BLTP3B: variants seen among roughly 807,000 people sequenced by gnomAD.
BLTP3B encodes the protein UHRF1 (ICBP90) binding protein 1-like.
At chr12:100,142,162 T>C in the BLTP3B span, among the ~76,000 whole-genome samples, 1 of 151,912 alleles carries the variant, frequency 6.6e-6, no homozygotes, top group African/African-American at 2.4e-5. Context: ...CCAGAAGCCC[T>C]CGGTTAACGG....
chr12:100,075,870 G>GC, the BLTP3B span, among the ~76,000 whole-genome samples: 1 of 152,054 alleles, frequency 6.6e-6, no homozygotes, highest in Non-Finnish European at 1.5e-5. Context: ...CTGCAGTACT[G>GC]CATGTTCTGA....
the BLTP3B span, among the ~76,000 whole-genome samples, chr12:100,049,729 T>C: frequency 6.6e-6 from 1 of 152,190 alleles, no homozygotes; most frequent in African/African-American, 2.4e-5. Flanking sequence ...TAATGGTTAG[T>C]GTTCTTTCCC....
chr12:100,053,777 G>A, the BLTP3B span, among the ~76,000 whole-genome samples: 2 of 152,018 alleles, frequency 1.3e-5, no homozygotes, highest in Non-Finnish European at 2.9e-5. Flanking sequence ...TTACTCTAGG[G>A]ATTTCCATAT....
chr12:100,047,613 A>G, the BLTP3B span: 2 of 1,612,374 alleles, frequency 1.2e-6, no homozygotes, highest in Non-Finnish European at 1.7e-6. Flanking sequence ...TTCAAGGGAT[A>G]CTGTACTACT....
chr12:100,104,576 T>C, the BLTP3B span, among the ~76,000 whole-genome samples: 1 of 151,860 alleles, frequency 6.6e-6, no homozygotes, highest in Non-Finnish European at 1.5e-5. Flanking sequence ...ATAATTTAAA[T>C]GAAGAGCTTA....
At chr12:100,099,734 G>A in the BLTP3B span, among the ~76,000 whole-genome samples, 2 of 151,492 alleles carry the variant, frequency 1.3e-5, no homozygotes, top group African/African-American at 2.4e-5. Flanking sequence ...GCAACAGGGC[G>A]AGACCTTGTC....
At chr12:100,047,619 C>T in the BLTP3B span, 2 of 1,611,586 alleles carry the variant, frequency 1.2e-6, no homozygotes, top group Admixed American at 1.7e-5. Flanking sequence ...GGATACTGTA[C>T]TACTCCGGGG....
chr12:100,088,961 A>ATCATT, the BLTP3B span: 1 of 1,411,060 alleles, frequency 7.1e-7, no homozygotes, highest in Non-Finnish European at 9.3e-7. Context: ...GATCTAGATG[A>ATCATT]GAAATCACTA....
the BLTP3B span, chr12:100,089,083 CTACTG>C: frequency 1.3e-6 from 2 of 1,598,578 alleles, no homozygotes; most frequent in South Asian, 2.3e-5. Flanking sequence ...GCAGATGCGA[CTACTG>C]TAGAGCTCTA....
At chr12:100,125,025 C>T in the BLTP3B span, among the ~76,000 whole-genome samples, 1 of 119,844 alleles carries the variant, frequency 8.3e-6, no homozygotes, top group East Asian at 2.8e-4. Flanking sequence ...TATGGGTAGA[C>T]CTTACATTAA....
At chr12:100,102,110 C>CTTTA in the BLTP3B span, among the ~76,000 whole-genome samples, 1 of 135,098 alleles carries the variant, frequency 7.4e-6, no homozygotes, top group South Asian at 2.4e-4. Flanking sequence ...CAACTTAACT[C>CTTTA]TTTTTTTTTT....
the BLTP3B span, among the ~76,000 whole-genome samples, chr12:100,045,001 T>G: frequency 2.0e-5 from 3 of 152,118 alleles, no homozygotes; most frequent in Non-Finnish European, 4.4e-5. Context: ...CATTCACAAT[T>G]ACTACAAAGA....
chr12:100,059,708 G>A, the BLTP3B span: 2 of 1,101,546 alleles, frequency 1.8e-6, no homozygotes, highest in East Asian at 2.6e-5. Context: ...ATTGAGTAAA[G>A]GGGACTTACA....
the BLTP3B span, among the ~76,000 whole-genome samples, chr12:100,053,177 G>A: frequency 3.3e-5 from 5 of 151,914 alleles, no homozygotes; most frequent in Non-Finnish European, 7.4e-5. Flanking sequence ...GGCTGAGGCG[G>A]GTGGATTATC....
the BLTP3B span, among the ~76,000 whole-genome samples, chr12:100,088,132 C>A: frequency 1.3e-5 from 2 of 152,182 alleles, no homozygotes; most frequent in South Asian, 4.2e-4. Context: ...AAACACATGG[C>A]AAAAATTTTT....
chr12:100,037,090 T>C, the BLTP3B span: 2 of 883,600 alleles, frequency 2.3e-6, no homozygotes, highest in East Asian at 2.4e-4. Context: ...ACCCATTAAT[T>C]ATATAGTTTA....
chr12:100,094,787 G>C, the BLTP3B span, among the ~76,000 whole-genome samples: 6 of 152,194 alleles, frequency 3.9e-5, no homozygotes, highest in African/African-American at 1.2e-4. Flanking sequence ...TTGAACCTGG[G>C]AGGTGGAGGT....
chr12:100,048,537 T>A, the BLTP3B span, among the ~76,000 whole-genome samples: 1 of 152,056 alleles, frequency 6.6e-6, no homozygotes, highest in Admixed American at 6.6e-5. Context: ...CAGAAATAAG[T>A]CAGACATTTA....
At chr12:100,080,391 T>G in the BLTP3B span, among the ~76,000 whole-genome samples, 1 of 151,776 alleles carries the variant, frequency 6.6e-6, no homozygotes, top group Non-Finnish European at 1.5e-5. Context: ...CTTGCTCTGT[T>G]GCCCAGGCTG....
Sources: allele counts gnomAD v4.1 joint callset (sites outside exome capture counted in the v4.1 genomes callset), GRCh38; gene constraint gnomAD v4.1.1; transcripts MANE v1.5; gene names NCBI Gene and HGNC (gene_info 2026-07-23, HGNC 2026-07-21).